RSF1: variants seen among roughly 807,000 people sequenced by gnomAD.
RSF1 encodes remodeling and spacing factor 1, also known as HBV pX-associated protein 8.
In RSF1, 13 loss-of-function variants were observed where a neutral mutation model predicts 145.2. The observed-to-expected ratio is 0.09, with a 90% CI of 0.06 to 0.14. The LOEUF (loss-of-function observed/expected upper bound fraction) is 0.14. Among genes scored for constraint, RSF1 ranks in the 10% least tolerant of loss-of-function variants. RSF1 has a pLI of 1.00. For missense variants in RSF1, 1,517 were observed against 1,718.2 expected (o/e 0.88, Z 2.07); for synonymous variants, 577 against 592.6 (o/e 0.97, Z 0.38).
the RSF1 span, chr11:77,869,866 G>A: frequency 6.4e-7 from 1 of 1,566,546 alleles, no homozygotes; most frequent in African/African-American, 1.4e-5. Flanking sequence ...GGGATCTCTT[G>A]GGCCTTTGTC....
At chr11:77,741,551 C>A (rs1947939044) in intron 3 of RSF1, among the ~76,000 whole-genome samples, 1 of 147,048 alleles carries the variant, frequency 6.8e-6, no homozygotes, top group Admixed American at 7.0e-5. Context: ...AAAAATGTTT[C>A]ATTTTTTTTT....
the RSF1 span, among the ~76,000 whole-genome samples, chr11:77,841,987 G>C: frequency 6.6e-6 from 1 of 152,142 alleles, no homozygotes; most frequent in African/African-American, 2.4e-5. Flanking sequence ...AACAGAACTG[G>C]AGTGGTGGAA....
At chr11:77,871,791 C>G in the RSF1 span, among the ~76,000 whole-genome samples, 1 of 152,168 alleles carries the variant, frequency 6.6e-6, no homozygotes, top group Non-Finnish European at 1.5e-5. Context: ...TTCACATACC[C>G]TTAGCTCAGT....
intron 1 of RSF1, among the ~76,000 whole-genome samples, chr11:77,792,326 G>A (rs1205376822): frequency 1.3e-5 from 2 of 152,032 alleles, no homozygotes; most frequent in Non-Finnish European, 2.9e-5. Context: ...GATTTGGGTG[G>A]GGACACAGCC....
At chr11:77,835,005 C>T in the RSF1 span, among the ~76,000 whole-genome samples, 1 of 152,266 alleles carries the variant, frequency 6.6e-6, no homozygotes, top group South Asian at 2.1e-4. Context: ...CAACAAAAAT[C>T]TGATTTATAA....
At chr11:77,706,424 G>A (rs1215395269) in intron 5 of RSF1, among the ~76,000 whole-genome samples, 3 of 151,980 alleles carry the variant, frequency 2.0e-5, no homozygotes, top group East Asian at 1.9e-4. Context: ...GAGGAGCTGT[G>A]AGGATTTTTT....
intron 4 of RSF1, among the ~76,000 whole-genome samples, chr11:77,730,481 C>T (rs1961178411): frequency 6.6e-6 from 1 of 152,190 alleles, no homozygotes; most frequent in Admixed American, 6.5e-5. Context: ...CCATAATCAA[C>T]ATAAGGAATA....
intron 1 of RSF1, among the ~76,000 whole-genome samples, chr11:77,782,085 A>G (rs765126496): frequency 5.3e-5 from 8 of 152,070 alleles, no homozygotes; most frequent in Non-Finnish European, 8.8e-5. Flanking sequence ...CTTTTAACCT[A>G]TATCTTTATG....
intron 5 of RSF1, among the ~76,000 whole-genome samples, chr11:77,714,529 A>G (rs969811974): frequency 7.9e-5 from 12 of 151,974 alleles, no homozygotes; most frequent in African/African-American, 1.5e-4. Context: ...TCCTTCTCCA[A>G]TAAGGAAAAA....
At chr11:77,675,926 A>T (rs1210048999) in intron 13 of RSF1, among the ~76,000 whole-genome samples, 1 of 152,238 alleles carries the variant, frequency 6.6e-6, no homozygotes, top group Non-Finnish European at 1.5e-5. Flanking sequence ...CAAAACACTT[A>T]TGCATGACAA....
chr11:77,834,694 C>T, the RSF1 span, among the ~76,000 whole-genome samples: 5 of 152,024 alleles, frequency 3.3e-5, no homozygotes, highest in Admixed American at 6.6e-5. Context: ...GGATTACAGA[C>T]GTGAGCCACT....
In RSF1 at chr11:77,769,204, C is replaced by T. The variant is rs199614564; in HGVS notation, c.188-4515G>A. 5.9e-4 allele frequency among the ~76,000 whole-genome samples: 90 copies of T among 152,184 alleles called. 1 individual carries two copies. The East Asian group carries it at 0.015, about 25-fold the overall frequency. ...TCCCAAGTAGCTGGGACTACAGGCA[C>T]GTGCCACCACACCTCGGCCTCCCAA... On this transcript the variant is annotated intron_variant, in intron 1 of 15. Transcript: ENST00000308488.
intron 7 of RSF1, among the ~76,000 whole-genome samples, chr11:77,698,143 G>A (rs932232159): frequency 6.6e-6 from 1 of 151,984 alleles, no homozygotes; most frequent in Non-Finnish European, 1.5e-5. Flanking sequence ...CACCATGCCA[G>A]GCAGAAATGC....
chr11:77,806,026 C>G (rs1431477086), intron 1 of RSF1, among the ~76,000 whole-genome samples: 1 of 152,168 alleles, frequency 6.6e-6, no homozygotes, highest in Non-Finnish European at 1.5e-5. Context: ...TTTTCTCTCA[C>G]TCCCTATGGC....
At chr11:77,730,028 T>C (rs569580097) in intron 4 of RSF1, among the ~76,000 whole-genome samples, 1 of 151,998 alleles carries the variant, frequency 6.6e-6, no homozygotes, top group Admixed American at 6.5e-5. Context: ...GTTCCAAGCA[T>C]TAATTATTCC....
At chr11:77,732,366 T>A (rs186921421) in intron 4 of RSF1, among the ~76,000 whole-genome samples, 4 of 152,268 alleles carry the variant, frequency 2.6e-5, no homozygotes, top group Middle Eastern at 6.8e-3. Flanking sequence ...GGACTTGCCT[T>A]GTCTCAGATG....
chr11:77,839,807 T>G, the RSF1 span, among the ~76,000 whole-genome samples: 1 of 151,544 alleles, frequency 6.6e-6, no homozygotes, highest in African/African-American at 2.4e-5. Flanking sequence ...CAACACACAC[T>G]GGGGCTTGCT....
chr11:77,859,741 A>G, the RSF1 span, among the ~76,000 whole-genome samples: 1 of 152,230 alleles, frequency 6.6e-6, no homozygotes, highest in Non-Finnish European at 1.5e-5. Context: ...CTCAAGTGGC[A>G]TAGGTTTGAG....
At chr11:77,850,231 G>T in the RSF1 span, among the ~76,000 whole-genome samples, 1 of 152,142 alleles carries the variant, frequency 6.6e-6, no homozygotes, top group Non-Finnish European at 1.5e-5. Context: ...AAAATGTAAG[G>T]TCTTCAAGCA....
Sources: gnomAD v4.1 joint callset for allele counts (sites outside exome capture counted in the v4.1 genomes callset) on GRCh38, gnomAD v4.1.1 for gene constraint, MANE v1.5 for transcripts, NCBI Gene and HGNC (gene_info 2026-07-23, HGNC 2026-07-21) for gene names.